The following EIF2S3 variants were observed in gnomAD, a reference collection of about 807,000 sequenced individuals.
EIF2S3 encodes eukaryotic translation initiation factor 2 subunit gamma.
In EIF2S3, 2 loss-of-function variants were observed where a neutral mutation model predicts 31.7. The ratio of observed to expected loss-of-function variants is 0.06; its 90% CI spans 0.03 to 0.20. The LOEUF (loss-of-function observed/expected upper bound fraction) is 0.20. Among genes scored for constraint, EIF2S3 ranks in the 10% least tolerant of loss-of-function variants. EIF2S3 has a pLI of 1.00. For synonymous variants in EIF2S3, 120 were observed against 126.7 expected (o/e 0.95, Z 0.36); for missense variants, 96 against 359.3 (o/e 0.27, Z 5.92).
At chrX:24,060,674 T>A (rs1392367551) in intron 5 of EIF2S3, among the ~76,000 whole-genome samples, 2 of 110,575 alleles carry the variant, frequency 1.8e-5, no homozygotes, top group Non-Finnish European at 3.8e-5. Context: ...TAAAATTTTT[T>A]AAAAGCTGCT....
chrX:24,066,305 C>CTCT (rs1191041037), intron 8 of EIF2S3, among the ~76,000 whole-genome samples: 1 of 109,505 alleles, frequency 9.1e-6, no homozygotes, highest in African/African-American at 3.3e-5. Flanking sequence ...CCTTCTAGAC[C>CTCT]TCTGAATCCA....
chrX:24,064,553 C>T (rs1248443596), intron 7 of EIF2S3, among the ~76,000 whole-genome samples: 2 of 112,506 alleles, frequency 1.8e-5, no homozygotes, highest in Admixed American at 9.5e-5. Context: ...CTAAGCCGGG[C>T]GCAGTGGCTC....
intron 11 of EIF2S3, among the ~76,000 whole-genome samples, chrX:24,075,350 A>G (rs189909485): frequency 3.4e-4 from 38 of 110,769 alleles, no homozygotes; most frequent in Middle Eastern, 9.3e-3. Flanking sequence ...GCATAGAGCC[A>G]GGAAGCATAC....
chrX:24,058,934 A>C (rs994678483), intron 4 of EIF2S3, among the ~76,000 whole-genome samples: 3 of 108,984 alleles, frequency 2.8e-5, no homozygotes, highest in Non-Finnish European at 5.7e-5. Context: ...CATGTTGTAT[A>C]GGCTGGTCTC....
chrX:24,070,458 T>TG (rs1263796238), intron 9 of EIF2S3, among the ~76,000 whole-genome samples: 5 of 88,416 alleles, frequency 5.7e-5, no homozygotes, highest in African/African-American at 2.1e-4. Context: ...TTTTTTTTTT[T>TG]TTTTGAGAGT....
In EIF2S3 at chrX:24,063,550, C is replaced by T. The variant is rs549972096; in HGVS notation, c.638-651C>T. Among the ~76,000 whole-genome samples, 24 of 111,321 alleles carry T rather than the reference C, an allele frequency of 2.2e-4. No individual in the cohort carries two copies. The East Asian group carries it at 5.9e-3, about 28-fold the overall frequency. ...ATACCAAGACTTTAGGAGGCTGAGG[C>T]GGGTGGGTCACTTGAGTCCAGGGGT... On this transcript the variant is annotated intron_variant, in intron 6 of 11. Coordinates refer to ENST00000253039, the MANE Select transcript of EIF2S3 (RefSeq NM_001415.4).
chrX:24,069,649 CTT>C (rs58387920), intron 9 of EIF2S3, among the ~76,000 whole-genome samples: 1,216 of 93,767 alleles, frequency 0.013, 26 homozygotes, highest in African/African-American at 0.045. Flanking sequence ...AATCTGGAAA[CTT>C]TTTAAAAATT....
chrX:24,076,701 T>C, intron 11 of EIF2S3, 21 bp from the exon 12 acceptor site: 3 of 1,196,877 alleles, frequency 2.5e-6, no homozygotes, highest in Non-Finnish European at 3.4e-6. Flanking sequence ...ATTTATGATT[T>C]CTTTTATTTT....
Position 24,077,916 on chromosome X carries a change from A to G in EIF2S3, c.*1131A>G, listed in dbSNP as rs1930781296. 8.9e-6 allele frequency: 1 copy of G among 112,183 alleles called. No individual in the cohort carries two copies. The highest frequency in any genetic ancestry group is 9.6e-5 in the Admixed American group (1 of 10,455). The allele number at this position is 112,183 out of a possible 1,213,427, so 9.2% of individuals were successfully genotyped here. A position where few individuals can be genotyped will look rare whatever the true frequency, so the allele number is the denominator to read the frequency against. On this transcript the variant is annotated 3_prime_UTR_variant, in exon 12 of 12. Coordinates refer to ENST00000253039, the MANE Select transcript of EIF2S3 (RefSeq NM_001415.4). ...TTATGATTGTGACATAGATTATACT[A>G]CTACTAATTTTTGGATGTTTCAAAA...
chrX:24,069,978 A>G (rs757634582), intron 9 of EIF2S3, among the ~76,000 whole-genome samples: 2 of 110,036 alleles, frequency 1.8e-5, no homozygotes, highest in South Asian at 7.7e-4. Context: ...GGCGTGAGCC[A>G]CCACACTTGG....
intron 9 of EIF2S3, 30 bp from the exon 10 acceptor site, chrX:24,071,520 ATAAAAAAT>A: frequency 3.4e-6 from 4 of 1,175,779 alleles, no homozygotes; most frequent in Non-Finnish European, 4.6e-6. Flanking sequence ...GTTTTAGGAA[ATAAAAAAT>A]TGAGCTATAT....
chrX:24,066,706 G>A (rs1375354749), intron 8 of EIF2S3, among the ~76,000 whole-genome samples: 1 of 110,588 alleles, frequency 9.0e-6, no homozygotes, highest in Non-Finnish European at 1.9e-5. Context: ...TAAAGACAGG[G>A]TTTCACCATG....
At chrX:24,065,542 C>T (rs1386283962) in intron 7 of EIF2S3, among the ~76,000 whole-genome samples, 3 of 111,203 alleles carry the variant, frequency 2.7e-5, no homozygotes, top group African/African-American at 9.8e-5. Context: ...AGATTGAGCC[C>T]AGGAATTTGA....
intron 9 of EIF2S3, among the ~76,000 whole-genome samples, chrX:24,070,739 T>C (rs1054356697): frequency 9.0e-6 from 1 of 111,259 alleles, no homozygotes; most frequent in Non-Finnish European, 1.9e-5. Context: ...GCCTGGCCCA[T>C]ATGTAGTCTT....
chrX:24,072,902 T>C (rs1930694367), intron 10 of EIF2S3, among the ~76,000 whole-genome samples, 189 bp from the exon 11 acceptor site: 1 of 112,049 alleles, frequency 8.9e-6, no homozygotes, highest in African/African-American at 3.2e-5. Flanking sequence ...TAAAGGTAGA[T>C]CTTGTGTAAA....
At chrX:24,072,998 A>C (rs1359110927) in intron 10 of EIF2S3, 93 bp from the exon 11 acceptor site, 10 of 958,748 alleles carry the variant, frequency 1.0e-5, no homozygotes, top group Non-Finnish European at 1.4e-5. Flanking sequence ...TATGATTGAC[A>C]TATTTCCCAA....
intron 11 of EIF2S3, among the ~76,000 whole-genome samples, chrX:24,074,862 C>CTTCTT (rs1555984976): frequency 2.1e-5 from 1 of 47,474 alleles, no homozygotes; most frequent in African/African-American, 9.6e-5. Context: ...TTTTCTTCTT[C>CTTCTT]TTTTTTTTTT....
At chrX:24,056,923 A>G (rs1234160768) in intron 2 of EIF2S3, among the ~76,000 whole-genome samples, 2 of 112,598 alleles carry the variant, frequency 1.8e-5, no homozygotes, top group African/African-American at 6.4e-5. Flanking sequence ...GTCCTATATG[A>G]GAACACGTTT....
intron 8 of EIF2S3, 111 bp from the exon 9 acceptor site, chrX:24,067,853 G>C: frequency 7.8e-6 from 7 of 898,223 alleles, no homozygotes; most frequent in Non-Finnish European, 1.1e-5. Context: ...CTCCCAAAAT[G>C]CTAGGATTAC....
Sources: gnomAD v4.1 joint callset for allele counts (sites outside exome capture counted in the v4.1 genomes callset) on GRCh38, gnomAD v4.1.1 for gene constraint, MANE v1.5 for transcripts, NCBI Gene and HGNC (gene_info 2026-07-23, HGNC 2026-07-21) for gene names.